DISC1: variants seen among roughly 807,000 people sequenced by gnomAD.
DISC1 encodes disrupted in schizophrenia 1 protein.
In DISC1, 57 loss-of-function variants were observed where a neutral mutation model predicts 84.5. The observed-to-expected ratio is 0.67, with a 90% confidence interval of 0.55 to 0.84. DISC1 has a LOEUF of 0.84. Ranked by LOEUF, DISC1 falls within the 40% of genes least tolerant of loss-of-function variation. DISC1 has a pLI of 0.00. For synonymous variants in DISC1, 411 were observed against 415.2 expected (o/e 0.99, Z 0.12); for missense variants, 1,000 against 1,057.8 (o/e 0.95, Z 0.76).
At chr1:231,932,932 T>G (rs1187693153) in intron 9 of DISC1, among the ~76,000 whole-genome samples, 2 of 152,216 alleles carry the variant, frequency 1.3e-5, no homozygotes, top group Non-Finnish European at 2.9e-5. Flanking sequence ...GTGAAGTTAC[T>G]TTCAAACTGA....
At chr1:232,024,186 T>C (rs191591726) in intron 11 of DISC1, among the ~76,000 whole-genome samples, 110 of 152,294 alleles carry the variant, frequency 7.2e-4, no homozygotes, top group Non-Finnish European at 5.7e-4. Flanking sequence ...TGTGTCCATA[T>C]GTCCCCACAA....
At chr1:231,747,467 T>A (rs188200932) in intron 3 of DISC1, among the ~76,000 whole-genome samples, 2 of 152,240 alleles carry the variant, frequency 1.3e-5, no homozygotes, top group Non-Finnish European at 2.9e-5. Flanking sequence ...TTCATCCTTC[T>A]GCATATGGAT....
chr1:231,821,247 C>T (rs567835860), intron 9 of DISC1, among the ~76,000 whole-genome samples: 1 of 152,278 alleles, frequency 6.6e-6, no homozygotes, highest in South Asian at 2.1e-4. Context: ...GAATCTTCTG[C>T]TTCTTTATTC....
At chr1:231,768,468 G>A (rs150311430) in intron 5 of DISC1, among the ~76,000 whole-genome samples, 39 of 152,258 alleles carry the variant, frequency 2.6e-4, no homozygotes, top group African/African-American at 7.2e-4. Context: ...TCATTATAAC[G>A]TTTGGATAGC....
chr1:231,778,850 T>C (rs1357721895), intron 6 of DISC1, among the ~76,000 whole-genome samples: 1 of 151,912 alleles, frequency 6.6e-6, no homozygotes, highest in African/African-American at 2.4e-5. Context: ...CTGAACGGAT[T>C]CCCTCTTGGC....
At position 231,745,790 on chromosome 1, in the gene DISC1, C is replaced by T. The variant is rs368152386; in HGVS notation, c.1118-4136C>T. Among the ~76,000 whole-genome samples, 14 of 152,258 alleles carry T rather than the reference C, an allele frequency of 9.2e-5. No homozygotes were observed. The South Asian group carries it at 1.5e-3, about 16-fold the overall frequency. ...ATACAGTTTGGATGTTTGTCCCCTT[C>T]AAATTTCATGTTGAAATGTGATCCC... On this transcript the variant is annotated intron_variant, in intron 3 of 12. Coordinates refer to ENST00000439617, the MANE Select transcript of DISC1 (RefSeq NM_018662.3).
intron 12 of DISC1, 108 bp from the exon 13 acceptor site, chr1:232,036,584 A>T: frequency 2.0e-6 from 2 of 1,006,360 alleles, no homozygotes; most frequent in Non-Finnish European, 2.7e-6. Context: ...AACTGCAATT[A>T]GGTGTCAGTA....
Position 231,891,333 on chromosome 1 carries a change from C to T in DISC1, c.1982-67495C>T, listed in dbSNP as rs571412536. Among the ~76,000 whole-genome samples the T allele has an allele frequency of 3.9e-5, 6 of 152,306 alleles. No homozygotes were observed. The East Asian group carries it at 1.2e-3, about 29-fold the overall frequency. ...AGCCTCTGGGTTGGACAAGCTTGGT[C>T]TAACATATAGTGTTAATAGGATATT... On this transcript the variant is annotated intron_variant, in intron 9 of 12. Transcript: ENST00000439617.
At chr1:231,860,071 T>C (rs904911535) in intron 9 of DISC1, among the ~76,000 whole-genome samples, 1 of 152,160 alleles carries the variant, frequency 6.6e-6, no homozygotes, top group South Asian at 2.1e-4. Context: ...CCACAGAAAA[T>C]TGGAAATCAA....
At chr1:231,861,579 G>T (rs1372661249) in intron 9 of DISC1, among the ~76,000 whole-genome samples, 1 of 134,144 alleles carries the variant, frequency 7.5e-6, no homozygotes, top group African/African-American at 2.8e-5. Flanking sequence ...ATTTCTTTTT[G>T]ATTTCACTAC....
intron 1 of DISC1, among the ~76,000 whole-genome samples, chr1:231,666,464 C>T (rs1283662440): frequency 6.6e-6 from 1 of 152,066 alleles, no homozygotes; most frequent in Non-Finnish European, 1.5e-5. Flanking sequence ...TTCTCCCTGG[C>T]GCATAAATAA....
In DISC1 at chr1:231,948,971, G is replaced by A. The variant is rs554952196; in HGVS notation, c.1982-9857G>A. Reference sequence around the variant, plus strand: ...TGCAACCTCCGCCTCCTGGGTTCAAGCGATTCTCCTGCCTCAGCCTTCTGA... The same window carrying A: ...TGCAACCTCCGCCTCCTGGGTTCAAACGATTCTCCTGCCTCAGCCTTCTGA... On this transcript the variant is annotated intron_variant, in intron 9 of 12. Transcript: ENST00000439617. 2.2e-3 allele frequency among the ~76,000 whole-genome samples: 328 copies of A among 149,658 alleles called. 1 individual carries two copies. The highest frequency in any genetic ancestry group is 7.7e-3 in the African/African-American group (311 of 40,604).
At chr1:231,740,390 G>A (rs2073088459) in intron 3 of DISC1, among the ~76,000 whole-genome samples, 2 of 152,158 alleles carry the variant, frequency 1.3e-5, no homozygotes, top group African/African-American at 4.8e-5. Context: ...GCCGTTGCCC[G>A]GATCTGGGTA....
intron 9 of DISC1, among the ~76,000 whole-genome samples, chr1:231,909,301 G>C (rs2088975122): frequency 6.6e-6 from 1 of 152,302 alleles, no homozygotes; most frequent in African/African-American, 2.4e-5. Context: ...GATATTGGCT[G>C]TGGGTTTGTC....
chr1:232,028,011 G>A (rs945448182), intron 12 of DISC1, among the ~76,000 whole-genome samples: 1 of 152,136 alleles, frequency 6.6e-6, no homozygotes, highest in African/African-American at 2.4e-5. Flanking sequence ...ATTGCTTTAG[G>A]TAGATTTTGA....
intron 6 of DISC1, chr1:231,771,622 A>T: frequency 1.0e-6 from 1 of 983,476 alleles, no homozygotes; most frequent in Non-Finnish European, 1.2e-6. Context: ...GGTGAGGAAA[A>T]ACGTTTAAGA....
chr1:231,864,981 C>T (rs934635146), intron 9 of DISC1, among the ~76,000 whole-genome samples: 1 of 152,204 alleles, frequency 6.6e-6, no homozygotes, highest in African/African-American at 2.4e-5. Context: ...ATGAATAGCA[C>T]TCCACACCAC....
chr1:231,951,624 T>C (rs1658381628), intron 9 of DISC1, among the ~76,000 whole-genome samples: 1 of 152,214 alleles, frequency 6.6e-6, no homozygotes. Flanking sequence ...GCTTTTATCA[T>C]TGAATCTAAC....
intron 1 of DISC1, 123 bp downstream of exon 1, chr1:231,627,057 G>A (rs1352514645): frequency 1.6e-6 from 1 of 608,520 alleles, no homozygotes; most frequent in Non-Finnish European, 2.6e-6. Flanking sequence ...CTTTCGAGGT[G>A]AGGGAAACTG....
Sources: gnomAD v4.1 joint callset for allele counts (sites outside exome capture counted in the v4.1 genomes callset) on GRCh38, gnomAD v4.1.1 for gene constraint, MANE v1.5 for transcripts, NCBI Gene and HGNC (gene_info 2026-07-23, HGNC 2026-07-21) for gene names.